ZBED6: variants seen among roughly 807,000 people sequenced by gnomAD.
The protein encoded by ZBED6 is zinc finger BED domain-containing protein 6.
A neutral mutation model predicts 58.4 loss-of-function variants in ZBED6; 40 were observed. That is an observed-to-expected ratio of 0.68 (90% CI 0.53 to 0.89). ZBED6 has a LOEUF of 0.89. ZBED6 is among the 40% of genes least tolerant of loss of function. The pLI is 0.00. For missense variants in ZBED6, 1,057 were observed against 1,003.9 expected (o/e 1.05, Z -0.71); for synonymous variants, 439 against 350.6 (o/e 1.25, Z -2.82).
exon 17 of ZBED6, chr1:203,852,226 A>T: frequency 6.2e-7 from 1 of 1,612,652 alleles, no homozygotes; most frequent in Non-Finnish European, 8.5e-7. Context: ...GAGCATGAAA[A>T]CTCGCCGACT....
At chr1:203,847,842 AG>A (rs1485436376) in intron 12 of ZBED6, among the ~76,000 whole-genome samples, 155 bp downstream of exon 12, 1 of 152,086 alleles carries the variant, frequency 6.6e-6, no homozygotes, top group Non-Finnish European at 1.5e-5. Context: ...AGTGCTATGT[AG>A]ACCTATGCTA....
At chr1:203,811,796 A>G (rs1445045462) in intron 1 of ZBED6, among the ~76,000 whole-genome samples, 1 of 151,440 alleles carries the variant, frequency 6.6e-6, no homozygotes, top group Admixed American at 6.6e-5. Context: ...TATGTCTGAA[A>G]AGTATTCAGA....
rs186782796 is a variant in ZBED6 at position 203,846,706 on chromosome 1, A to G, written c.*3742-478A>G. 1.1e-4 allele frequency among the ~76,000 whole-genome samples: 16 copies of G among 152,352 alleles called. No homozygotes were observed. In the East Asian group the frequency reaches 2.7e-3, roughly 26 times the overall value. ...ATTGCTATTTTTGTTAAGATTTATA[A>G]TGACAAATTTATCCAACTAGTAAAT... On this transcript the variant is annotated intron_variant, in intron 11 of 16. Coordinates refer to ENST00000550078, the Ensembl canonical transcript of ZBED6.
chr1:203,835,158 C>A (rs1307412270), intron 9 of ZBED6, among the ~76,000 whole-genome samples: 1 of 152,180 alleles, frequency 6.6e-6, no homozygotes, highest in African/African-American at 2.4e-5. Context: ...ATGCACTTTA[C>A]GCTCTAAGTA....
At chr1:203,810,058 T>C (rs1673830099) in intron 1 of ZBED6, among the ~76,000 whole-genome samples, 1 of 151,266 alleles carries the variant, frequency 6.6e-6, no homozygotes, top group South Asian at 2.1e-4. Context: ...TGCATCTTTG[T>C]TTTGTGTTTT....
chr1:203,818,748 A>G (rs191907007), intron 3 of ZBED6, 59 bp downstream of exon 3: 63 of 1,610,592 alleles, frequency 3.9e-5, no homozygotes, highest in Non-Finnish European at 5.1e-5. Flanking sequence ...GGGCCAATAA[A>G]AAATATAGGG....
intron 9 of ZBED6, 55 bp downstream of exon 9, chr1:203,833,908 G>C: frequency 6.4e-7 from 1 of 1,559,852 alleles, no homozygotes; most frequent in African/African-American, 1.4e-5. Context: ...GCATTAACAT[G>C]ATAGCTTCTC....
At chr1:203,810,946 T>C (rs12024720) in intron 1 of ZBED6, among the ~76,000 whole-genome samples, 8,756 of 148,494 alleles carry the variant, frequency 0.059, 768 homozygotes, top group East Asian at 0.41. Flanking sequence ...GCCTGGCCAC[T>C]ATGGTGAAAC....
At chr1:203,810,007 A>G (rs1450459731) in intron 1 of ZBED6, among the ~76,000 whole-genome samples, 1 of 152,122 alleles carries the variant, frequency 6.6e-6, no homozygotes, top group Admixed American at 6.5e-5. Flanking sequence ...GGCAACCTAG[A>G]TACTTTTTTT....
chr1:203,824,191 C>G (rs1177146188), intron 3 of ZBED6, among the ~76,000 whole-genome samples: 1 of 151,080 alleles, frequency 6.6e-6, no homozygotes, highest in African/African-American at 2.4e-5. Context: ...TCGCTTGAAC[C>G]TGGGAGGTGG....
intron 9 of ZBED6, among the ~76,000 whole-genome samples, chr1:203,835,424 G>T (rs1376109455): frequency 6.6e-6 from 1 of 152,138 alleles, no homozygotes; most frequent in Admixed American, 6.6e-5. Context: ...TACGAAAAAA[G>T]CTTAGAAGAG....
chr1:203,822,151 T>C (rs935300141), intron 3 of ZBED6, among the ~76,000 whole-genome samples: 1 of 152,190 alleles, frequency 6.6e-6, no homozygotes, highest in Non-Finnish European at 1.5e-5. Context: ...TCTAGACTTC[T>C]CCTTTTCCAT....
intron 11 of ZBED6, among the ~76,000 whole-genome samples, chr1:203,841,408 C>T (rs1686151721): frequency 6.6e-6 from 1 of 152,260 alleles, no homozygotes; most frequent in Non-Finnish European, 1.5e-5. Flanking sequence ...ACATCTTGCA[C>T]CGCCCTTAAT....
intron 3 of ZBED6, among the ~76,000 whole-genome samples, chr1:203,821,798 C>G (rs1328256237): frequency 6.6e-6 from 1 of 151,370 alleles, no homozygotes; most frequent in Non-Finnish European, 1.5e-5. Context: ...TGCTCTATCA[C>G]CCAGGCTGGA....
chr1:203,830,263 G>T, intron 7 of ZBED6, 60 bp downstream of exon 7: 1 of 1,319,578 alleles, frequency 7.6e-7, no homozygotes, highest in Non-Finnish European at 1.1e-6. Context: ...TACTAAGGAC[G>T]CTTCTAGAAG....
chr1:203,818,690 G>T lies in ZBED6; in HGVS notation c.*2873+1G>T. The T allele has an allele frequency of 6.2e-7, 1 of 1,614,068 alleles. No individual in the cohort carries two copies. Among genetic ancestry groups the T allele is most frequent in the Non-Finnish European group, 8.5e-7 (1 of 1,180,008 alleles). ...CAGGTTTCGGCACATGGAGATTGAT[G>T]TAAGTTTTTTATTTCCGTTATCATA... On this transcript the variant is annotated splice_donor_variant, in intron 3 of 16. Transcript: ENST00000550078. LOFTEE classifies it low-confidence loss of function (3UTR_SPLICE).
chr1:203,850,707 G>C (rs1689046022), intron 15 of ZBED6, 26 bp downstream of exon 15: 1 of 1,605,158 alleles, frequency 6.2e-7, no homozygotes, highest in Non-Finnish European at 8.5e-7. Flanking sequence ...ACTTTGTGGT[G>C]CTTTATTCTG....
intron 7 of ZBED6, 67 bp from the exon 8 acceptor site, chr1:203,831,594 A>AT: frequency 6.9e-7 from 1 of 1,440,120 alleles, no homozygotes; most frequent in Non-Finnish European, 9.6e-7. Flanking sequence ...ACAAAAACAA[A>AT]TTTTTTGACT....
At position 203,852,415 on chromosome 1, in the gene ZBED6, C is replaced by G. The variant is rs752740009; in HGVS notation, c.*5148C>G. The G allele has an allele frequency of 8.1e-6, 13 of 1,606,400 alleles. No homozygotes were observed. The East Asian group carries it at 2.9e-4, about 36-fold the overall frequency. On this transcript the variant is annotated 3_prime_UTR_variant, in exon 17 of 17. Coordinates refer to ENST00000550078, the Ensembl canonical transcript of ZBED6. ...TGATAGCTGAAGGTGGTAGTGAGGA[C>G]ACTTTAAAAAAAAAATCGCCAAAAA...
Sources: allele counts gnomAD v4.1 joint callset (sites outside exome capture counted in the v4.1 genomes callset), GRCh38; gene constraint gnomAD v4.1.1; transcripts MANE v1.5; gene names NCBI Gene and HGNC (gene_info 2026-07-23, HGNC 2026-07-21).